The following TRIM9 variants were observed in gnomAD, a reference collection of about 807,000 sequenced individuals.
The protein encoded by TRIM9 is tripartite motif containing 9.
TRIM9 carries 26 observed loss-of-function variants against 78.3 expected under a neutral mutation model. The ratio of observed to expected loss-of-function variants is 0.33; its 90% confidence interval spans 0.24 to 0.46. TRIM9 has a LOEUF of 0.46. Among genes scored for constraint, TRIM9 ranks in the 20% least tolerant of loss-of-function variants. The pLI is 1.00. For synonymous variants in TRIM9, 398 were observed against 416.5 expected (o/e 0.96, Z 0.54); for missense variants, 787 against 1,036.4 (o/e 0.76, Z 3.30).
At chr14:51,054,586 TTTG>T (rs2060733810) in intron 1 of TRIM9, among the ~76,000 whole-genome samples, 1 of 152,060 alleles carries the variant, frequency 6.6e-6, no homozygotes, top group African/African-American at 2.4e-5. Flanking sequence ...AATGCTCTTT[TTTG>T]TTTTTTTTTT....
At chr14:51,094,093 A>AG (rs745453181) in intron 1 of TRIM9, 25 bp downstream of exon 1, 1 of 1,589,882 alleles carries the variant, frequency 6.3e-7, no homozygotes, top group Admixed American at 1.7e-5. Flanking sequence ...GCAGGGAGTT[A>AG]GGAGTGGGTT....
intron 1 of TRIM9, among the ~76,000 whole-genome samples, chr14:51,062,648 T>C (rs2061438719): frequency 1.3e-5 from 2 of 152,044 alleles, no homozygotes; most frequent in African/African-American, 4.8e-5. Flanking sequence ...TATTGGCCAG[T>C]GGTGAGGGAA....
intron 4 of TRIM9, among the ~76,000 whole-genome samples, chr14:51,009,454 T>C (rs1446227980): frequency 6.6e-6 from 1 of 152,212 alleles, no homozygotes; most frequent in African/African-American, 2.4e-5. Flanking sequence ...GCACTATAAA[T>C]AATTAGCAGG....
At chr14:51,075,119 C>T (rs1005480858) in intron 1 of TRIM9, among the ~76,000 whole-genome samples, 2 of 152,138 alleles carry the variant, frequency 1.3e-5, no homozygotes, top group Non-Finnish European at 2.9e-5. Flanking sequence ...ATCCTGCATT[C>T]TTATTTTATA....
chr14:50,982,084 G>C lies in TRIM9; in HGVS notation c.1878C>G (p.Asp626Glu). 6.2e-7 allele frequency: 1 copy of C among 1,613,978 alleles called. No individual in the cohort carries two copies. The highest frequency in any genetic ancestry group is 8.5e-7 in the Non-Finnish European group (1 of 1,179,862). ...TGATGTCCGAGTGCGCCGAGCCAGG[G>C]TCGAAAGCAAACCAGGCCACTGGGA... ...KLLAVAWFAF[D>E]PGSAHSDIIL... The change falls in exon 11 of 13, where the codon GAC becomes GAG. Residue 626 changes from aspartate (D) to glutamate (E), a missense_variant. Transcript: ENST00000684578.
chr14:51,013,311 T>C (rs1439910898), intron 3 of TRIM9, among the ~76,000 whole-genome samples: 1 of 152,116 alleles, frequency 6.6e-6, no homozygotes, highest in Admixed American at 6.5e-5. Context: ...TGGATAGTCT[T>C]AGCACCTTGT....
chr14:51,062,085 T>C (rs992365384), intron 1 of TRIM9, among the ~76,000 whole-genome samples: 1 of 147,862 alleles, frequency 6.8e-6, no homozygotes, highest in African/African-American at 2.5e-5. Context: ...CAGTCTGTTA[T>C]TAAGTCCAAT....
chr14:51,004,645 TA>T (rs1379046856), intron 5 of TRIM9, among the ~76,000 whole-genome samples: 2 of 152,342 alleles, frequency 1.3e-5, no homozygotes, highest in East Asian at 3.9e-4. Context: ...TTCACTCATT[TA>T]ATTTTCACAA....
chr14:50,977,292 T>C lies in TRIM9; in HGVS notation c.2387A>G (p.Ter796=). The C allele has an allele frequency of 1.3e-6, 2 of 1,533,032 alleles. No homozygotes were observed. Among genetic ancestry groups the C allele is most frequent in the Middle Eastern group, 1.7e-4 (1 of 5,750 alleles). The allele number at this position is 1,533,032 out of a possible 1,614,324, so 95.0% of individuals were successfully genotyped here. A position where few individuals can be genotyped will look rare whatever the true frequency, so the allele number is the denominator to read the frequency against. Residue 796 remains the stop codon, a stop_retained_variant, in exon 13 of 13, where the codon TAA becomes TGA. Coordinates refer to ENST00000684578, the MANE Select transcript of TRIM9 (RefSeq NM_001387360.1). ...DFYSSRASIA[*] is the part of the protein sequence containing the mutation. ...AGCTGGCGCCTCCACGGCACATCCT[T>C]AGGCTATTGATGCTCTGCTGGAGTA...
At chr14:51,080,436 AACACACACACACACACACACACACAC>A (rs34062978) in intron 1 of TRIM9, among the ~76,000 whole-genome samples, 2 of 143,924 alleles carry the variant, frequency 1.4e-5, no homozygotes, top group Admixed American at 6.9e-5. Flanking sequence ...AGTTTTATTG[AACACACACACACACACACACACACAC>A]ACACACACAC....
chr14:51,060,096 G>A (rs1307270636), intron 1 of TRIM9, among the ~76,000 whole-genome samples: 3 of 152,182 alleles, frequency 2.0e-5, no homozygotes, highest in Non-Finnish European at 4.4e-5. Flanking sequence ...GAATACTTCA[G>A]AATTTATAAT....
intron 7 of TRIM9, chr14:50,997,288 G>A (rs2054335257): frequency 1.0e-6 from 1 of 985,208 alleles, no homozygotes; most frequent in African/African-American, 1.7e-5. Flanking sequence ...CACATTACTT[G>A]TCTTTGATGA....
chr14:51,034,735 A>G (rs1442041891), intron 1 of TRIM9, among the ~76,000 whole-genome samples: 5 of 152,242 alleles, frequency 3.3e-5, no homozygotes, highest in Non-Finnish European at 7.3e-5. Flanking sequence ...CTATACAGTG[A>G]CTTACACTAC....
chr14:51,024,084 A>C (rs1315855783), intron 2 of TRIM9, among the ~76,000 whole-genome samples: 1 of 152,232 alleles, frequency 6.6e-6, no homozygotes, highest in Non-Finnish European at 1.5e-5. Flanking sequence ...CTCTCAGAGA[A>C]GGCCTTTGGA....
chr14:50,978,330 C>A (rs1566535706), intron 12 of TRIM9, among the ~76,000 whole-genome samples: 1 of 152,162 alleles, frequency 6.6e-6, no homozygotes, highest in Non-Finnish European at 1.5e-5. Flanking sequence ...TAATGAGATG[C>A]CCAGCTCAGG....
chr14:51,032,521 T>C (rs1298440717), intron 1 of TRIM9, among the ~76,000 whole-genome samples: 2 of 152,242 alleles, frequency 1.3e-5, no homozygotes, highest in South Asian at 2.1e-4. Flanking sequence ...TGCTTCAATT[T>C]TGGACAACCC....
intron 1 of TRIM9, among the ~76,000 whole-genome samples, chr14:51,045,449 C>T (rs143111486): frequency 4.6e-4 from 70 of 152,286 alleles, no homozygotes; most frequent in African/African-American, 1.6e-3. Flanking sequence ...GGCTGAGTCA[C>T]CTGACCCTGG....
chr14:51,061,798 T>C (rs2061374244), intron 1 of TRIM9, among the ~76,000 whole-genome samples: 1 of 152,246 alleles, frequency 6.6e-6, no homozygotes, highest in Non-Finnish European at 1.5e-5. Flanking sequence ...CTCAGGGTTC[T>C]GTAAGCTTTT....
intron 1 of TRIM9, among the ~76,000 whole-genome samples, chr14:51,031,483 T>C (rs2058731373): frequency 6.6e-6 from 1 of 152,180 alleles, no homozygotes; most frequent in African/African-American, 2.4e-5. Flanking sequence ...CACACCCAGA[T>C]GGATTTCATA....
Sources: allele counts gnomAD v4.1 joint callset (sites outside exome capture counted in the v4.1 genomes callset), GRCh38; gene constraint gnomAD v4.1.1; transcripts MANE v1.5; gene names NCBI Gene and HGNC (gene_info 2026-07-23, HGNC 2026-07-21).